Variants in CDH12 observed in about 807,000 individuals in gnomAD.
CDH12 encodes the protein cadherin-12.
A neutral mutation model predicts 74.1 loss-of-function variants in CDH12; 41 were observed. That is an observed-to-expected ratio of 0.55 (90% CI 0.43 to 0.72). The LOEUF (loss-of-function observed/expected upper bound fraction) is 0.72. Ranked by LOEUF, CDH12 falls within the 30% of genes least tolerant of loss-of-function variation. The pLI, the probability that CDH12 is intolerant of heterozygous loss-of-function variation, is 0.00. For missense variants in CDH12, 945 were observed against 977.2 expected (o/e 0.97, Z 0.44); for synonymous variants, 399 against 355.0 (o/e 1.12, Z -1.39).
intron 1 of CDH12, among the ~76,000 whole-genome samples, chr5:22,795,168 C>A (rs1477662833): frequency 1.3e-5 from 2 of 152,010 alleles, no homozygotes; most frequent in Non-Finnish European, 2.9e-5. Flanking sequence ...CTGCCAAAGA[C>A]CTTGAAGCTA....
intron 4 of CDH12, among the ~76,000 whole-genome samples, chr5:22,188,804 A>G (rs967217245): frequency 7.9e-5 from 12 of 152,314 alleles, no homozygotes; most frequent in African/African-American, 2.9e-4. Context: ...CATGGGAGGC[A>G]TGGATTCTGT....
At chr5:22,738,744 C>T (rs1271798647) in intron 1 of CDH12, among the ~76,000 whole-genome samples, 1 of 151,914 alleles carries the variant, frequency 6.6e-6, no homozygotes, top group African/African-American at 2.4e-5. Flanking sequence ...CATGAAATTA[C>T]ACAATCATAG....
At chr5:22,559,129 A>T (rs537464296) in intron 1 of CDH12, among the ~76,000 whole-genome samples, 37 of 152,064 alleles carry the variant, frequency 2.4e-4, no homozygotes, top group Non-Finnish European at 4.6e-4. Flanking sequence ...TCAAATAATA[A>T]CAAATGGCTT....
chr5:22,395,878 A>C (rs1489076037), intron 3 of CDH12, among the ~76,000 whole-genome samples: 1 of 152,152 alleles, frequency 6.6e-6, no homozygotes, highest in Non-Finnish European at 1.5e-5. Flanking sequence ...AAGCCAGTGA[A>C]GAAAAATAAG....
At chr5:22,219,629 A>T (rs1187355112) in intron 3 of CDH12, among the ~76,000 whole-genome samples, 1 of 151,698 alleles carries the variant, frequency 6.6e-6, no homozygotes, top group Non-Finnish European at 1.5e-5. Context: ...TAACACCTTT[A>T]CTACCTTCTG....
chr5:22,834,758 T>A (rs189677874), intron 1 of CDH12, among the ~76,000 whole-genome samples: 1 of 152,244 alleles, frequency 6.6e-6, no homozygotes, highest in East Asian at 1.9e-4. Flanking sequence ...GGTATTCCAA[T>A]GGATCATATT....
chr5:22,294,249 C>T (rs1391670372), intron 3 of CDH12, among the ~76,000 whole-genome samples: 1 of 151,902 alleles, frequency 6.6e-6, no homozygotes, highest in Non-Finnish European at 1.5e-5. Context: ...AAGAGTGTTC[C>T]CTGTGAGCAA....
intron 8 of CDH12, among the ~76,000 whole-genome samples, chr5:21,823,985 T>C (rs1042124128): frequency 6.6e-6 from 1 of 152,166 alleles, no homozygotes; most frequent in Admixed American, 6.5e-5. Flanking sequence ...TTCTTCTCAC[T>C]ATTAAATAAT....
intron 4 of CDH12, among the ~76,000 whole-genome samples, chr5:22,079,770 T>C (rs529529731): frequency 2.0e-5 from 3 of 152,104 alleles, no homozygotes; most frequent in African/African-American, 7.2e-5. Context: ...CTAATATTCA[T>C]TGAGTGTCTA....
intron 3 of CDH12, among the ~76,000 whole-genome samples, chr5:22,399,846 T>C (rs796245335): frequency 4.0e-5 from 6 of 151,848 alleles, no homozygotes; most frequent in African/African-American, 1.4e-4. Context: ...AAAGTAAATT[T>C]TTCTACCTAC....
At chr5:22,368,766 A>T (rs1409920589) in intron 3 of CDH12, among the ~76,000 whole-genome samples, 2 of 152,058 alleles carry the variant, frequency 1.3e-5, no homozygotes, top group African/African-American at 2.4e-5. Context: ...GACAATGCAC[A>T]AATAAGTAAG....
At chr5:22,797,625 G>T (rs1002512782) in intron 1 of CDH12, among the ~76,000 whole-genome samples, 3 of 152,158 alleles carry the variant, frequency 2.0e-5, no homozygotes, top group Admixed American at 6.5e-5. Flanking sequence ...AGTAAAAGAA[G>T]TTGGGAATAA....
chr5:21,758,341 A>G lies in CDH12; in HGVS notation c.1633+2217T>C, dbSNP rs760219168. ...ATTCAAACTCTACTCAACTTGCTTCAGTGATAAAATGTGGAGACTCTGATT... is the reference window on the plus strand; with the variant it reads ...ATTCAAACTCTACTCAACTTGCTTCGGTGATAAAATGTGGAGACTCTGATT... On this transcript the variant is annotated intron_variant, in intron 13 of 14. Coordinates refer to ENST00000382254, the MANE Select transcript of CDH12 (RefSeq NM_004061.5). Among the ~76,000 whole-genome samples, 88 of 152,096 alleles carry G rather than the reference A, an allele frequency of 5.8e-4. 1 individual carries two copies. The highest frequency in any genetic ancestry group is 1.8e-4 in the Non-Finnish European group (12 of 68,016).
intron 5 of CDH12, among the ~76,000 whole-genome samples, chr5:22,065,236 C>G (rs1424977487): frequency 1.3e-5 from 2 of 152,010 alleles, no homozygotes; most frequent in Non-Finnish European, 2.9e-5. Flanking sequence ...CAAGTGTGAC[C>G]CATGAGGTGA....
At chr5:21,905,329 T>C (rs1261765864) in intron 6 of CDH12, among the ~76,000 whole-genome samples, 1 of 152,182 alleles carries the variant, frequency 6.6e-6, no homozygotes, top group Non-Finnish European at 1.5e-5. Context: ...TTTGGGAGAA[T>C]CCCTCCAATT....
rs184533032 is a variant in CDH12 at position 22,179,406 on chromosome 5, T to C, written c.-187+33092A>G. On this transcript the variant is annotated intron_variant, in intron 4 of 14. Coordinates refer to ENST00000382254, the MANE Select transcript of CDH12 (RefSeq NM_004061.5). ...TATAAATAGAAAATGCTTAAAGCTT[T>C]TCAGAATTTGTCTTAAAAGCAATTA... is the stretch of plus-strand genomic sequence containing the variant. Among the ~76,000 whole-genome samples the C allele has an allele frequency of 8.9e-4, 135 of 152,314 alleles. 1 individual carries two copies. Among genetic ancestry groups the C allele is most frequent in the Admixed American group, 2.4e-3 (36 of 15,306 alleles).
At chr5:22,742,141 C>T (rs1036260117) in intron 1 of CDH12, among the ~76,000 whole-genome samples, 2 of 151,212 alleles carry the variant, frequency 1.3e-5, no homozygotes, top group Non-Finnish European at 2.9e-5. Flanking sequence ...GAGATTGTGC[C>T]ACTGTACTCC....
At chr5:21,969,803 C>T (rs1482605518) in intron 6 of CDH12, among the ~76,000 whole-genome samples, 1 of 152,082 alleles carries the variant, frequency 6.6e-6, no homozygotes, top group Non-Finnish European at 1.5e-5. Context: ...TAACCATCAT[C>T]AGTAATGAGA....
At chr5:22,085,175 A>AT (rs34840296) in intron 4 of CDH12, among the ~76,000 whole-genome samples, 83 of 149,376 alleles carry the variant, frequency 5.6e-4, no homozygotes, top group African/African-American at 1.5e-3. Context: ...AGCAGGAGGG[A>AT]TTTTTTTTTT....
Sources: gnomAD v4.1 joint callset for allele counts (sites outside exome capture counted in the v4.1 genomes callset) on GRCh38, gnomAD v4.1.1 for gene constraint, MANE v1.5 for transcripts, NCBI Gene and HGNC (gene_info 2026-07-23, HGNC 2026-07-21) for gene names.